Variants in ACAD9 observed in about 807,000 individuals in gnomAD.
ACAD9 encodes the protein acyl-CoA dehydrogenase family member 9, also known as complex I assembly factor ACAD9, mitochondrial.
A neutral mutation model predicts 70.2 loss-of-function variants in ACAD9; 53 were observed. That is an observed-to-expected ratio of 0.75 (90% CI 0.61 to 0.95). The LOEUF (loss-of-function observed/expected upper bound fraction) is 0.95, where lower values mean the gene tolerates loss of function less well. Ranked by LOEUF, ACAD9 falls within the 40% of genes least tolerant of loss-of-function variation. The pLI, the probability that ACAD9 is intolerant of heterozygous loss-of-function variation, is 0.00. For missense variants in ACAD9, 777 were observed against 802.8 expected, an observed-to-expected ratio of 0.97 and a Z score of 0.39; for synonymous variants, 313 against 312.1, an observed-to-expected ratio of 1.00 and a Z score of -0.03.
rs1426242803 is a variant in ACAD9 at position 128,909,672 on chromosome 3, C to T, written c.1563+251C>T. On this transcript the variant is annotated intron_variant, in intron 15 of 17. Coordinates refer to ENST00000308982, the MANE Select transcript of ACAD9 (RefSeq NM_014049.5). ...TGCACCTTTCAGGTAGAGAGGCTCC[C>T]TAGAATCGGGAGGGCAGCTCCACCT... 5.0e-6 allele frequency: 3 copies of T among 605,368 alleles called. No homozygotes were observed. In the African/African-American group the frequency reaches 5.6e-5, roughly 11 times the overall value. The allele number at this position is 605,368 out of a possible 1,614,324, so 37.5% of individuals were successfully genotyped here. A position where few individuals can be genotyped will look rare whatever the true frequency, so the allele number is the denominator to read the frequency against.
At chr3:128,896,994 A>G (rs574732312) in intron 5 of ACAD9, among the ~76,000 whole-genome samples, 10 of 152,144 alleles carry the variant, frequency 6.6e-5, no homozygotes, top group Non-Finnish European at 1.3e-4. Context: ...TTCACTTTGC[A>G]TGAGAACCTG....
intron 10 of ACAD9, 108 bp downstream of exon 10, chr3:128,904,240 C>T (rs1678523216): frequency 6.4e-7 from 1 of 1,573,912 alleles, no homozygotes; most frequent in Non-Finnish European, 8.7e-7. Flanking sequence ...GGGAAGAAGA[C>T]TAGTTAAGGC....
Position 128,879,853 on chromosome 3 carries a change from C to A in ACAD9, c.150+12C>A. 1 of 1,613,938 alleles carries A rather than the reference C, an allele frequency of 6.2e-7. No homozygotes were observed. Among genetic ancestry groups the A allele is most frequent in the Non-Finnish European group, 8.5e-7 (1 of 1,180,008 alleles). ...GCAAAATCAAGAAGGTAACGCGAGC[C>A]CTGGGCGAACCCTTGCTGTCTGGCT... On this transcript the variant is annotated intron_variant, in intron 1 of 17. Coordinates refer to ENST00000308982, the MANE Select transcript of ACAD9 (RefSeq NM_014049.5).
chr3:128,882,082 T>G (rs1204012878), intron 1 of ACAD9, among the ~76,000 whole-genome samples: 4 of 143,402 alleles, frequency 2.8e-5, no homozygotes, highest in Non-Finnish European at 5.9e-5. Flanking sequence ...GGTGCCATCA[T>G]AGCTCACTGC....
chr3:128,910,342 A>G, intron 16 of ACAD9, 193 bp downstream of exon 16: 1 of 1,470,952 alleles, frequency 6.8e-7, no homozygotes, highest in Non-Finnish European at 9.0e-7. Context: ...GACTGAGAGA[A>G]GAGGGGGTGA....
chr3:128,902,697 C>A lies in ACAD9; in HGVS notation c.958+69C>A. ...TGCCCCGGCTCCAACCCTGGAGGCT[C>A]TGCCATTCCCCCGGCCCCTTCCAGG... On this transcript the variant is annotated intron_variant, in intron 9 of 17. Transcript: ENST00000308982. This position sits in a 1 kb window ranked among gnomAD's most constrained non-coding sequence, Gnocchi z 4.0. The A allele has an allele frequency of 6.5e-7, 1 of 1,535,840 alleles. No individual in the cohort carries two copies. The highest frequency in any genetic ancestry group is 1.4e-5 in the African/African-American group (1 of 73,232).
In ACAD9 at chr3:128,899,484, T is replaced by A. The variant is rs772612013; in HGVS notation, c.808+23T>A. 18 of 1,610,738 alleles carry A rather than the reference T, an allele frequency of 1.1e-5. No individual in the cohort carries two copies. In the East Asian group the frequency reaches 4.0e-4, roughly 36 times the overall value. The stretch of plus-strand genomic sequence containing the variant: ...ACAGTAAGTAGCTCCTGTGCGCGCG[T>A]GCGCGTGTGTGTGTGTAAGGGGGAG... On this transcript the variant is annotated intron_variant, in intron 7 of 17. Transcript: ENST00000308982.
chr3:128,911,376 T>C (rs1239431536), intron 17 of ACAD9, among the ~76,000 whole-genome samples: 1 of 151,612 alleles, frequency 6.6e-6, no homozygotes, highest in Non-Finnish European at 1.5e-5. Context: ...CAATTTTAGA[T>C]TGAGCAAGTG....
At chr3:128,890,091 G>A (rs573578545) in intron 2 of ACAD9, among the ~76,000 whole-genome samples, 66 of 152,128 alleles carry the variant, frequency 4.3e-4, no homozygotes, top group African/African-American at 1.6e-3. Flanking sequence ...CTCTTAAAGT[G>A]TTGGGATTAC....
At chr3:128,898,560 A>T (rs1381763522) in intron 6 of ACAD9, 1 of 342,664 alleles carries the variant, frequency 2.9e-6, no homozygotes. Flanking sequence ...CACACAGCTA[A>T]CTCTTTGTAT....
chr3:128,912,215 C>T (rs1177395032), intron 17 of ACAD9, among the ~76,000 whole-genome samples: 4 of 152,208 alleles, frequency 2.6e-5, no homozygotes, highest in Non-Finnish European at 5.9e-5. Flanking sequence ...GTTTCTCCTC[C>T]AGTGGGCTGG....
At chr3:128,885,147 T>C (rs1344969410) in intron 2 of ACAD9, among the ~76,000 whole-genome samples, 1 of 152,202 alleles carries the variant, frequency 6.6e-6, no homozygotes, top group African/African-American at 2.4e-5. Flanking sequence ...TTCTGTACTT[T>C]GGTAATTGTA....
chr3:128,904,613 T>C, intron 11 of ACAD9, 108 bp downstream of exon 11: 2 of 1,509,674 alleles, frequency 1.3e-6, no homozygotes, highest in Non-Finnish European at 1.8e-6. Context: ...CTCCTGTCAT[T>C]GATCCAGTAT....
intron 2 of ACAD9, among the ~76,000 whole-genome samples, chr3:128,887,479 C>T (rs2630259): frequency 0.39 from 59,442 of 150,966 alleles, 13,492 homozygotes; most frequent in African/African-American, 0.62. Context: ...TGGTGGTGCG[C>T]GCCCATAGTC....
At chr3:128,895,577 A>G (rs924457138) in intron 4 of ACAD9, among the ~76,000 whole-genome samples, 161 bp downstream of exon 4, 3 of 152,116 alleles carry the variant, frequency 2.0e-5, no homozygotes, top group Admixed American at 6.6e-5. Context: ...ATGGTGCTCA[A>G]TCCTCACACA....
intron 16 of ACAD9, among the ~76,000 whole-genome samples, 188 bp from the exon 17 acceptor site, chr3:128,910,551 TGA>T (rs1280425350): frequency 6.6e-6 from 1 of 152,206 alleles, no homozygotes; most frequent in Non-Finnish European, 1.5e-5. Context: ...TCAGAGATGT[TGA>T]GTCACTTGCT....
rs200304794 is a variant in ACAD9, at chr3:128,910,831, G to T, written c.1765+18G>T. The stretch of plus-strand genomic sequence containing the variant: ...GGACAAGTGTGAGTGGCATGTCTTG[G>T]GGGAGGGAAGGAAGGGCCCACTTCT... On this transcript the variant is annotated intron_variant, in intron 17 of 17. Transcript: ENST00000308982. 2 of 1,613,908 alleles carry T rather than the reference G, an allele frequency of 1.2e-6. No individual in the cohort carries two copies. The highest frequency in any genetic ancestry group is 1.7e-5 in the Admixed American group (1 of 60,016).
intron 1 of ACAD9, among the ~76,000 whole-genome samples, chr3:128,883,194 A>T (rs1349682109): frequency 6.7e-6 from 1 of 149,758 alleles, no homozygotes; most frequent in Non-Finnish European, 1.5e-5. Context: ...GGCTCAGGGG[A>T]TCCTCCCACC....
chr3:128,909,938 A>G lies in ACAD9; in HGVS notation c.1564-83A>G, dbSNP rs542864098. The G allele has an allele frequency of 5.1e-6, 8 of 1,576,196 alleles. No homozygotes were observed. In the African/African-American group the frequency reaches 9.4e-5, roughly 18 times the overall value. ...CTCAAGGAACACAGGAGACTAAGAC[A>G]GGCAAAGATGCAGCCCAGGGAGGGA... On this transcript the variant is annotated intron_variant, in intron 15 of 17. Transcript: ENST00000308982.
Sources: allele counts gnomAD v4.1 joint callset (sites outside exome capture counted in the v4.1 genomes callset), GRCh38; gene constraint gnomAD v4.1.1; non-coding constraint Gnocchi (gnomAD v3.1); transcripts MANE v1.5; gene names NCBI Gene and HGNC (gene_info 2026-07-23, HGNC 2026-07-21).